Variants in VDAC2 observed in about 807,000 individuals in gnomAD.
The protein encoded by VDAC2 is non-selective voltage-gated ion channel VDAC2.
A neutral mutation model predicts 36.6 loss-of-function variants in VDAC2; 6 were observed. The ratio of observed to expected loss-of-function variants is 0.16; its 90% CI spans 0.09 to 0.32. VDAC2 has a LOEUF of 0.32. Among genes scored for constraint, VDAC2 ranks in the 10% least tolerant of loss-of-function variants. The pLI, the probability that VDAC2 is intolerant of heterozygous loss-of-function variation, is 1.00. For synonymous variants in VDAC2, 109 were observed against 123.8 expected (o/e 0.88, Z 0.79); for missense variants, 247 against 346.0 (o/e 0.71, Z 2.27).
At chr10:75,224,763 T>C (rs1340800094) in intron 8 of VDAC2, among the ~76,000 whole-genome samples, 1 of 152,200 alleles carries the variant, frequency 6.6e-6, no homozygotes, top group African/African-American at 2.4e-5. Flanking sequence ...CAAAGCCACC[T>C]TGCAAGGGTA....
Position 75,219,299 on chromosome 10 carries a change from A to G in VDAC2, c.304-5A>G. The G allele has an allele frequency of 6.3e-7, 1 of 1,591,972 alleles. No homozygotes were observed. Among genetic ancestry groups the G allele is most frequent in the Non-Finnish European group, 8.5e-7 (1 of 1,171,160 alleles). ...AGAAAACAAATTACTTTTCTTTCAAAATAGATTTGTCAAGGTTTGAAACTG... is the reference window on the plus strand; with the variant it reads ...AGAAAACAAATTACTTTTCTTTCAAGATAGATTTGTCAAGGTTTGAAACTG... On this transcript the variant is annotated splice_region_variant and splice_polypyrimidine_tract_variant and intron_variant, in intron 5 of 9. Transcript: ENST00000332211.
chr10:75,213,150 C>G (rs931280183), intron 3 of VDAC2, among the ~76,000 whole-genome samples: 3 of 152,116 alleles, frequency 2.0e-5, no homozygotes, highest in Admixed American at 2.0e-4. Context: ...GTGATCTCGG[C>G]TCCCTGCAGC....
intron 2 of VDAC2, 26 bp downstream of exon 2, chr10:75,211,215 G>A: frequency 1.2e-6 from 2 of 1,611,388 alleles, no homozygotes; most frequent in Non-Finnish European, 1.7e-6. Context: ...ATCTCTGCGG[G>A]ATGGGGCGGC....
rs1225314964 is a variant in VDAC2 at position 75,220,951 on chromosome 10, T to A, written c.565T>A (p.Phe189Ile). Residue 189 changes from phenylalanine (F) to isoleucine (I), a missense_variant, in exon 7 of 10, where the codon TTC (phenylalanine) becomes ATC (isoleucine). Transcript: ENST00000332211. ...TGCAGTGGGCTACAGGACTGGGGAC[T>A]TCCAGCTACACACTAATGTGTAAGT... ...NFAVGYRTGD[F>I]QLHTNVNDGT... The A allele has an allele frequency of 3.1e-6, 5 of 1,612,370 alleles. No individual in the cohort carries two copies. The highest frequency in any genetic ancestry group is 4.2e-6 in the Non-Finnish European group (5 of 1,179,032).
intron 4 of VDAC2, among the ~76,000 whole-genome samples, chr10:75,217,365 A>G (rs1406774597): frequency 3.9e-5 from 6 of 152,214 alleles, no homozygotes; most frequent in African/African-American, 1.2e-4. Flanking sequence ...GTTTCCTAAC[A>G]TGATCCAGTG....
Position 75,213,885 on chromosome 10 carries a change from A to G in VDAC2, c.101-136A>G, listed in dbSNP as rs142556559. 6.1e-3 allele frequency: 4,730 copies of G among 775,938 alleles called. 175 individuals are homozygous for G. In the African/African-American group the frequency reaches 0.074, roughly 12 times the overall value. 48.1% of individuals were successfully genotyped at this position (775,938 alleles called of 1,614,324 possible). A position where few individuals can be genotyped will look rare whatever the true frequency, so the allele number is the denominator to read the frequency against. On this transcript the variant is annotated intron_variant, in intron 3 of 9. Transcript: ENST00000332211. Reference sequence around the variant, plus strand: ...GACGAATTTGTAACAATTTCATTTAAATATTGTATATTAACACATTTTTAT... The same window carrying G: ...GACGAATTTGTAACAATTTCATTTAGATATTGTATATTAACACATTTTTAT...
chr10:75,216,463 A>G (rs1026672993), intron 4 of VDAC2, among the ~76,000 whole-genome samples: 1 of 152,244 alleles, frequency 6.6e-6, no homozygotes, highest in African/African-American at 2.4e-5. Flanking sequence ...TTTTATTCAC[A>G]TTTAATACAT....
chr10:75,212,225 A>G lies in VDAC2; in HGVS notation c.32-5A>G, dbSNP rs754465868. ...ATTAACACTGGAATGTTTTTTTTCT[A>G]CCAGCAATGTGTATTCCTCCATCAT... On this transcript the variant is annotated splice_region_variant and splice_polypyrimidine_tract_variant and intron_variant, in intron 2 of 9. Transcript: ENST00000332211. The G allele has an allele frequency of 1.2e-6, 2 of 1,612,630 alleles. No homozygotes were observed.
At chr10:75,212,678 G>C (rs1841463489) in intron 3 of VDAC2, among the ~76,000 whole-genome samples, 1 of 152,150 alleles carries the variant, frequency 6.6e-6, no homozygotes, top group Non-Finnish European at 1.5e-5. Context: ...TTACAGACAT[G>C]AGCCACTGTG....
intron 4 of VDAC2, chr10:75,218,009 G>C: frequency 8.5e-7 from 1 of 1,178,656 alleles, no homozygotes; most frequent in Non-Finnish European, 1.1e-6. Context: ...GATCACTTGA[G>C]CCTGGGAGGT....
intron 2 of VDAC2, 59 bp downstream of exon 2, chr10:75,211,248 A>G (rs1841409596): frequency 2.5e-6 from 4 of 1,593,936 alleles, no homozygotes; most frequent in Admixed American, 1.8e-5. Flanking sequence ...CCTGTCGACC[A>G]GAAACCCAGT....
At chr10:75,211,630 G>A (rs1841426357) in intron 2 of VDAC2, 2 of 1,550,510 alleles carry the variant, frequency 1.3e-6, no homozygotes, top group Admixed American at 2.0e-5. Context: ...AAGCAGCACA[G>A]CATTGGCCGA....
chr10:75,211,492 A>G (rs1019358902), intron 2 of VDAC2: 5 of 1,531,858 alleles, frequency 3.3e-6, no homozygotes, highest in Non-Finnish European at 4.4e-6. Flanking sequence ...GATCGGATCA[A>G]TCACTTTTCT....
chr10:75,222,629 TTGA>T (rs921552556), intron 8 of VDAC2, among the ~76,000 whole-genome samples: 4 of 152,230 alleles, frequency 2.6e-5, no homozygotes, highest in African/African-American at 9.6e-5. Context: ...CGAGTTAATG[TTGA>T]TGATAACCTT....
intron 8 of VDAC2, among the ~76,000 whole-genome samples, chr10:75,227,281 G>T (rs1402808760): frequency 3.3e-5 from 5 of 152,166 alleles, no homozygotes; most frequent in African/African-American, 7.2e-5. Context: ...TTTATAACCA[G>T]TCTGTAAGAA....
intron 9 of VDAC2, among the ~76,000 whole-genome samples, chr10:75,230,418 G>A: frequency 6.6e-6 from 1 of 152,122 alleles, no homozygotes; most frequent in East Asian, 1.9e-4. Flanking sequence ...CAGACATACA[G>A]ACATGGCAGC....
At chr10:75,214,644 C>T (rs1390026561) in intron 4 of VDAC2, among the ~76,000 whole-genome samples, 1 of 152,078 alleles carries the variant, frequency 6.6e-6, no homozygotes, top group Non-Finnish European at 1.5e-5. Context: ...CTTGCCTCAG[C>T]CTCTCTAGTA....
chr10:75,212,192 A>G (rs1468955348), intron 2 of VDAC2, 38 bp from the exon 3 acceptor site: 1 of 1,573,622 alleles, frequency 6.4e-7, no homozygotes, highest in African/African-American at 1.3e-5. Flanking sequence ...AGGTGGGAGA[A>G]TAGAGACATT....
rs778318892 is a variant in VDAC2 at position 75,211,130 on chromosome 10, G to T, written c.-25-4G>T. The T allele has an allele frequency of 1.9e-6, 3 of 1,606,478 alleles. No homozygotes were observed. The highest frequency in any genetic ancestry group is 2.5e-6 in the Non-Finnish European group (3 of 1,176,516). ...GCTTACCGCACTTCTTGTCCCTCCC[G>T]CAGATTCCCCTCTTCCCGCGGCCTC... On this transcript the variant is annotated splice_polypyrimidine_tract_variant and splice_region_variant and intron_variant, in intron 1 of 9. Transcript: ENST00000332211.
Sources: gnomAD v4.1 joint callset for allele counts (sites outside exome capture counted in the v4.1 genomes callset) on GRCh38, gnomAD v4.1.1 for gene constraint, MANE v1.5 for transcripts, NCBI Gene and HGNC (gene_info 2026-07-23, HGNC 2026-07-21) for gene names.